The following NKAIN3 variants were observed in gnomAD, a reference collection of about 807,000 sequenced individuals.
The protein encoded by NKAIN3 is sodium/potassium transporting ATPase interacting 3, also known as sodium/potassium-transporting ATPase subunit beta-1-interacting protein 3.
A neutral mutation model predicts 30.2 loss-of-function variants in NKAIN3; 25 were observed. That is an observed-to-expected ratio of 0.83 (90% CI 0.60 to 1.16). The LOEUF is 1.16. Ranked by LOEUF, NKAIN3 falls within the 50% of genes most tolerant of loss-of-function variation. The pLI is 0.00. For synonymous variants in NKAIN3, 91 were observed against 89.6 expected (o/e 1.02, Z -0.09); for missense variants, 225 against 254.1 (o/e 0.89, Z 0.78).
chr8:62,293,440 A>C (rs185096186), intron 1 of NKAIN3, among the ~76,000 whole-genome samples: 1 of 152,184 alleles, frequency 6.6e-6, no homozygotes, highest in African/African-American at 2.4e-5. Context: ...TCTGTTTGTT[A>C]GTTTTCCTTC....
intron 1 of NKAIN3, among the ~76,000 whole-genome samples, chr8:62,543,648 A>G (rs895971889): frequency 1.3e-5 from 2 of 152,168 alleles, no homozygotes; most frequent in Non-Finnish European, 2.9e-5. Context: ...AGCCAATGCT[A>G]ACCTTTTATC....
chr8:62,810,181 G>A (rs185644691), intron 4 of NKAIN3, among the ~76,000 whole-genome samples: 1,536 of 152,180 alleles, frequency 0.01, 11 homozygotes, highest in Non-Finnish European at 0.015. Flanking sequence ...TTAGCTGCAC[G>A]TTGAGAAATT....
rs145253285 is a variant in NKAIN3 at position 62,873,828 on chromosome 8, T to C, written c.472-44625T>C. Among the ~76,000 whole-genome samples, 1,235 of 152,118 alleles carry C rather than the reference T, an allele frequency of 8.1e-3. 21 individuals carry two copies. Among genetic ancestry groups the C allele is most frequent in the African/African-American group, 0.029 (1,195 of 41,490 alleles). On this transcript the variant is annotated intron_variant, in intron 4 of 6. Coordinates refer to ENST00000623646, the MANE Select transcript of NKAIN3 (RefSeq NM_001304533.3). ...TATACCAGAATCTCTGGGTTATGGC[T>C]AAAGCAGTGTTAACAGGGAAATTTA... is the stretch of plus-strand genomic sequence containing the variant.
intron 1 of NKAIN3, among the ~76,000 whole-genome samples, chr8:62,297,320 A>C (rs570274217): frequency 7.9e-4 from 120 of 152,298 alleles, no homozygotes; most frequent in Middle Eastern, 6.8e-3. Flanking sequence ...AAATTGACAA[A>C]TGGGATCTAA....
intron 4 of NKAIN3, among the ~76,000 whole-genome samples, chr8:62,843,707 A>T (rs1163001673): frequency 6.6e-6 from 1 of 152,054 alleles, no homozygotes; most frequent in East Asian, 1.9e-4. Flanking sequence ...TAAGGTAATA[A>T]ATTTGTGCTT....
At chr8:62,808,761 A>G (rs1818387837) in intron 4 of NKAIN3, among the ~76,000 whole-genome samples, 1 of 152,172 alleles carries the variant, frequency 6.6e-6, no homozygotes, top group African/African-American at 2.4e-5. Context: ...CCGAGATCAC[A>G]AGACCAGGGT....
chr8:62,372,333 A>G (rs895709812), intron 1 of NKAIN3, among the ~76,000 whole-genome samples: 4 of 152,006 alleles, frequency 2.6e-5, no homozygotes, highest in Non-Finnish European at 4.4e-5. Context: ...TTAAAATGTC[A>G]TAAATAGATG....
intron 5 of NKAIN3, among the ~76,000 whole-genome samples, chr8:62,919,336 C>T (rs1182245006): frequency 6.9e-6 from 1 of 145,654 alleles, no homozygotes; most frequent in Non-Finnish European, 1.5e-5. Context: ...GCTCCGCCTC[C>T]CAGGTTCACA....
In NKAIN3 at chr8:62,967,961, T is replaced by C. The variant is rs1353464247; in HGVS notation, c.*2554T>C. On this transcript the variant is annotated 3_prime_UTR_variant, in exon 7 of 7. Coordinates refer to ENST00000623646, the MANE Select transcript of NKAIN3 (RefSeq NM_001304533.3). ...TTTGAGGAAAAAATCCTTACCTTAG[T>C]GATTTGTCTATGAATATTCAATGTA... Among the ~76,000 whole-genome samples the C allele has an allele frequency of 6.6e-6, 1 of 152,230 alleles. No homozygotes were observed. Among genetic ancestry groups the C allele is most frequent in the Admixed American group, 6.5e-5 (1 of 15,278 alleles).
chr8:62,970,198 C>T lies in NKAIN3; in HGVS notation c.*4791C>T, dbSNP rs903125437. Among the ~76,000 whole-genome samples the T allele has an allele frequency of 6.6e-6, 1 of 151,864 alleles. No individual in the cohort carries two copies. The highest frequency in any genetic ancestry group is 2.4e-5 in the African/African-American group (1 of 41,398). ...GTGCACTACTGCACTCCAGCCTAGGCAATACAGCAAAAGCCTGTCTCTAAA... is the reference window on the plus strand; with the variant it reads ...GTGCACTACTGCACTCCAGCCTAGGTAATACAGCAAAAGCCTGTCTCTAAA... On this transcript the variant is annotated 3_prime_UTR_variant, in exon 7 of 7. Coordinates refer to ENST00000623646, the MANE Select transcript of NKAIN3 (RefSeq NM_001304533.3).
At chr8:62,420,543 C>T (rs749891918) in intron 1 of NKAIN3, among the ~76,000 whole-genome samples, 3 of 152,056 alleles carry the variant, frequency 2.0e-5, no homozygotes, top group Non-Finnish European at 2.9e-5. Context: ...ATCAACAAAA[C>T]ATAAGATACA....
At chr8:62,785,153 T>G (rs954584854) in intron 4 of NKAIN3, among the ~76,000 whole-genome samples, 1 of 152,148 alleles carries the variant, frequency 6.6e-6, no homozygotes, top group Non-Finnish European at 1.5e-5. Flanking sequence ...CACAAAAATT[T>G]GTACACAAAT....
chr8:62,408,726 C>T (rs1450912796), intron 1 of NKAIN3, among the ~76,000 whole-genome samples: 2 of 152,104 alleles, frequency 1.3e-5, no homozygotes, highest in Non-Finnish European at 2.9e-5. Context: ...ACACCACTGC[C>T]ATTACCATGT....
At chr8:62,293,750 A>C (rs1488698315) in intron 1 of NKAIN3, among the ~76,000 whole-genome samples, 1 of 151,570 alleles carries the variant, frequency 6.6e-6, no homozygotes, top group South Asian at 2.1e-4. Context: ...GAGAAGCACT[A>C]CTCTCTTCAA....
chr8:62,503,111 C>T (rs1401007903), intron 1 of NKAIN3, among the ~76,000 whole-genome samples: 2 of 152,120 alleles, frequency 1.3e-5, no homozygotes, highest in Non-Finnish European at 2.9e-5. Context: ...ATCGGGGGAA[C>T]CCACTCCCAA....
chr8:62,478,100 T>C (rs1806579129), intron 1 of NKAIN3, among the ~76,000 whole-genome samples: 1 of 152,040 alleles, frequency 6.6e-6, no homozygotes, highest in Admixed American at 6.6e-5. Context: ...AACCATCACA[T>C]TGGAGATTAG....
At chr8:62,560,485 A>T (rs1809531543) in intron 1 of NKAIN3, among the ~76,000 whole-genome samples, 1 of 142,726 alleles carries the variant, frequency 7.0e-6, no homozygotes, top group African/African-American at 2.6e-5. Flanking sequence ...TCATATGCAT[A>T]ATTTTTATTA....
At position 62,529,495 on chromosome 8, in the gene NKAIN3, G is replaced by A. The variant is rs567296737; in HGVS notation, c.55-50044G>A. Reference sequence around the variant, plus strand: ...AAGGTGATTGGGACATGAGGGTGGAGCCCTCCTGAATGGGATTAGTGCCTT... The same window carrying A: ...AAGGTGATTGGGACATGAGGGTGGAACCCTCCTGAATGGGATTAGTGCCTT... On this transcript the variant is annotated intron_variant, in intron 1 of 6. Coordinates refer to ENST00000623646, the MANE Select transcript of NKAIN3 (RefSeq NM_001304533.3). Among the ~76,000 whole-genome samples the A allele has an allele frequency of 3.0e-4, 45 of 152,228 alleles. No homozygotes were observed. The South Asian group carries it at 8.3e-3, about 28-fold the overall frequency.
intron 3 of NKAIN3, among the ~76,000 whole-genome samples, chr8:62,617,605 C>G (rs1289468035): frequency 6.6e-6 from 1 of 152,154 alleles, no homozygotes; most frequent in Non-Finnish European, 1.5e-5. Flanking sequence ...CCAAAGAGTG[C>G]CCTTTCTCCT....
Sources: allele counts gnomAD v4.1 joint callset (sites outside exome capture counted in the v4.1 genomes callset), GRCh38; gene constraint gnomAD v4.1.1; transcripts MANE v1.5; gene names NCBI Gene and HGNC (gene_info 2026-07-23, HGNC 2026-07-21).